LNPEP: variants seen among roughly 807,000 people sequenced by gnomAD.
The protein encoded by LNPEP is leucyl and cystinyl aminopeptidase.
In LNPEP, 64 loss-of-function variants were observed where a neutral mutation model predicts 120.6. The observed-to-expected ratio is 0.53, with a 90% CI of 0.43 to 0.65. The LOEUF (loss-of-function observed/expected upper bound fraction) is 0.65. Ranked by LOEUF, LNPEP falls within the 30% of genes least tolerant of loss-of-function variation. LNPEP has a pLI of 0.00. For missense variants in LNPEP, 1,057 were observed against 1,200.0 expected (o/e 0.88, Z 1.76); for synonymous variants, 435 against 425.4 (o/e 1.02, Z -0.28).
chr5:96,993,041 G>T lies in LNPEP; in HGVS notation c.1158G>T (p.Lys386Asn). The T allele has an allele frequency of 6.3e-7, 1 of 1,595,332 alleles. No individual in the cohort carries two copies. Among genetic ancestry groups the T allele is most frequent in the Non-Finnish European group, 8.6e-7 (1 of 1,168,710 alleles). The change falls in exon 5 of 18, where the codon AAG becomes AAT. Residue 386 changes from lysine to asparagine, a missense_variant. Transcript: ENST00000231368. Reference protein sequence around the residue: ...TLVSIYAVPEKIGQVHYALET... With the variant: ...TLVSIYAVPENIGQVHYALET... ...TTTCTATATATGCTGTACCAGAAAAGATTGGTCAAGTTCATTATGCCTTGG... is the reference window on the plus strand; with the variant it reads ...TTTCTATATATGCTGTACCAGAAAATATTGGTCAAGTTCATTATGCCTTGG...
chr5:96,954,024 C>A (rs1789383431), intron 1 of LNPEP, among the ~76,000 whole-genome samples: 1 of 152,166 alleles, frequency 6.6e-6, no homozygotes, highest in Admixed American at 6.5e-5. Context: ...AGTGTATACT[C>A]TGTATTAATC....
chr5:97,013,757 G>T lies in LNPEP; in HGVS notation c.2145G>T (p.Gln715His). ...ATGATTGGGAAGCACTAATCCATCA[G>T]TTGAAAATAAATCCTTATGTTCTGA... ...ADDDWEALIH[Q>H]LKINPYVLSD... is the part of the protein sequence containing the mutation. The change falls in exon 12 of 18, where the codon CAG becomes CAT. Residue 715 changes from glutamine to histidine, a missense_variant. Gln to His is a conservative substitution (Grantham distance 24). Coordinates refer to ENST00000231368, the MANE Select transcript of LNPEP (RefSeq NM_005575.3). The T allele has an allele frequency of 6.2e-7, 1 of 1,612,168 alleles. No homozygotes were observed.
intron 16 of LNPEP, 52 bp from the exon 17 acceptor site, chr5:97,027,681 G>T: frequency 8.7e-7 from 1 of 1,148,164 alleles, no homozygotes. Flanking sequence ...CAGGAACAAC[G>T]CTTTACCAGC....
chr5:96,960,754 T>A (rs973973027), intron 1 of LNPEP, among the ~76,000 whole-genome samples: 7 of 152,158 alleles, frequency 4.6e-5, no homozygotes, highest in Non-Finnish European at 1.0e-4. Flanking sequence ...TTATACAGTC[T>A]CTCATCTCAA....
At chr5:96,947,229 C>A (rs764831913) in intron 1 of LNPEP, among the ~76,000 whole-genome samples, 2 of 151,832 alleles carry the variant, frequency 1.3e-5, no homozygotes, top group Admixed American at 1.3e-4. Flanking sequence ...AAGACTGGCA[C>A]CCTATATTGT....
rs1790427250 is a variant in LNPEP at position 96,992,995 on chromosome 5, T to C, written c.1132-20T>C. On this transcript the variant is annotated intron_variant, in intron 4 of 17. Coordinates refer to ENST00000231368, the MANE Select transcript of LNPEP (RefSeq NM_005575.3). ...TTTAATTGTACCTGTCCTTGCATCA[T>C]ACATAATGTTTTCCTTTAGGTTTCT... The C allele has an allele frequency of 6.4e-7, 1 of 1,555,584 alleles. No homozygotes were observed. Among genetic ancestry groups the C allele is most frequent in the Non-Finnish European group, 8.7e-7 (1 of 1,148,348 alleles).
intron 1 of LNPEP, among the ~76,000 whole-genome samples, chr5:96,970,615 T>C (rs1240480033): frequency 1.3e-5 from 2 of 151,964 alleles, no homozygotes; most frequent in African/African-American, 2.4e-5. Context: ...TATTCATTTT[T>C]TTTGGATTAA....
At position 97,032,546 on chromosome 5, in the gene LNPEP, A is replaced by T. The variant is rs1791491647; in HGVS notation, c.*4013A>T. On this transcript the variant is annotated 3_prime_UTR_variant, in exon 18 of 18. Transcript: ENST00000231368. ...TTTGTATATTTTTTTCCTGATGAAG[A>T]GTGATATATCATCCTATGAAAATTT... The T allele has an allele frequency of 6.6e-6, 1 of 152,120 alleles. No homozygotes were observed. The highest frequency in any genetic ancestry group is 6.5e-5 in the Admixed American group (1 of 15,268). The allele number at this position is 152,120 out of a possible 1,614,324, so 9.4% of individuals were successfully genotyped here. A position where few individuals can be genotyped will look rare whatever the true frequency, so the allele number is the denominator to read the frequency against.
intron 4 of LNPEP, among the ~76,000 whole-genome samples, chr5:96,990,209 C>T (rs535613121): frequency 2.6e-5 from 4 of 151,808 alleles, no homozygotes; most frequent in Non-Finnish European, 4.4e-5. Context: ...GGTGCACGTG[C>T]GTGTGTGTGT....
At chr5:96,957,902 A>G (rs998135488) in intron 1 of LNPEP, among the ~76,000 whole-genome samples, 1 of 152,204 alleles carries the variant, frequency 6.6e-6, no homozygotes, top group African/African-American at 2.4e-5. Flanking sequence ...TAGCTCAGTG[A>G]TTATTCTGTA....
chr5:97,007,374 G>T (rs539108098), intron 11 of LNPEP, among the ~76,000 whole-genome samples: 1 of 152,226 alleles, frequency 6.6e-6, no homozygotes, highest in East Asian at 1.9e-4. Context: ...AGTTATGTGA[G>T]CCTCATTCCC....
In LNPEP at chr5:96,936,193, C is replaced by T. The variant is rs556945976; in HGVS notation, c.19+19C>T. ...ACCAATGGTGAGTGGGCTGCCGAGG[C>T]GCCGGGACCCGGGCTCTCCGGAGCC... On this transcript the variant is annotated intron_variant, in intron 1 of 17. Transcript: ENST00000231368. 1.4e-4 allele frequency: 202 copies of T among 1,435,088 alleles called. No individual in the cohort carries two copies. In the Middle Eastern group the frequency reaches 2.3e-3, roughly 16 times the overall value. The allele number at this position is 1,435,088 out of a possible 1,614,324, so 88.9% of individuals were successfully genotyped here. A position where few individuals can be genotyped will look rare whatever the true frequency, so the allele number is the denominator to read the frequency against.
At chr5:96,969,952 C>CT (rs1397507153) in intron 1 of LNPEP, among the ~76,000 whole-genome samples, 1 of 151,460 alleles carries the variant, frequency 6.6e-6, no homozygotes, top group East Asian at 1.9e-4. Context: ...TTATGGATTA[C>CT]TTAAAGTCTT....
intron 4 of LNPEP, among the ~76,000 whole-genome samples, chr5:96,990,917 T>G (rs1198249907): frequency 6.6e-6 from 1 of 152,084 alleles, no homozygotes; most frequent in East Asian, 1.9e-4. Context: ...GTTTTTTGCT[T>G]TATTTTAAGA....
intron 1 of LNPEP, among the ~76,000 whole-genome samples, chr5:96,963,104 G>GACACTGCATGAGACACTGCATGA (rs1467490653): frequency 6.6e-6 from 1 of 152,142 alleles, no homozygotes; most frequent in African/African-American, 2.4e-5. Context: ...GTAATCATGA[G>GACACTGCATGAGACACTGCATGA]ACACTGCATG....
At chr5:97,010,600 T>G (rs572927002) in intron 11 of LNPEP, 1 of 985,226 alleles carries the variant, frequency 1.0e-6, no homozygotes, top group Non-Finnish European at 1.2e-6. Context: ...AACTTTAGTT[T>G]TTTTGTAAAA....
intron 12 of LNPEP, among the ~76,000 whole-genome samples, chr5:97,014,528 A>G (rs1253487609): frequency 6.6e-6 from 1 of 151,204 alleles, no homozygotes; most frequent in Non-Finnish European, 1.5e-5. Flanking sequence ...AGTTTGAAAA[A>G]CAAATTCCCA....
chr5:96,997,457 T>A lies in LNPEP; in HGVS notation c.1522-557T>A, dbSNP rs374887443. Among the ~76,000 whole-genome samples, 248 of 152,228 alleles carry A rather than the reference T, an allele frequency of 1.6e-3. 1 individual carries two copies. Among genetic ancestry groups the A allele is most frequent in the African/African-American group, 5.7e-3 (236 of 41,574 alleles). ...GATACACAGTTTGACCACTTGGTGG[T>A]GCCCAGAATGTGTAAAAAGGTCTAA... is the stretch of plus-strand genomic sequence containing the variant. On this transcript the variant is annotated intron_variant, in intron 7 of 17. Transcript: ENST00000231368.
intron 1 of LNPEP, among the ~76,000 whole-genome samples, chr5:96,970,346 A>AT (rs1351050510): frequency 2.0e-5 from 3 of 152,030 alleles, no homozygotes; most frequent in Admixed American, 1.3e-4. Context: ...AGGTATACAT[A>AT]TTTAAGATTG....
Sources: allele counts gnomAD v4.1 joint callset (sites outside exome capture counted in the v4.1 genomes callset), GRCh38; gene constraint gnomAD v4.1.1; transcripts MANE v1.5; gene names NCBI Gene and HGNC (gene_info 2026-07-23, HGNC 2026-07-21).